Variants in ANKRD18B observed in about 807,000 individuals in gnomAD.
ANKRD18B encodes ankyrin repeat domain-containing protein 18B.
In ANKRD18B, 75 loss-of-function variants were observed where a neutral mutation model predicts 111.8. That is an observed-to-expected ratio of 0.67 (90% CI 0.56 to 0.81). The LOEUF (loss-of-function observed/expected upper bound fraction) is 0.81. ANKRD18B is among the 40% of genes least tolerant of loss of function. The pLI is 0.00. For synonymous variants in ANKRD18B, 356 were observed against 417.3 expected (o/e 0.85, Z 1.79); for missense variants, 1,038 against 1,225.5 (o/e 0.85, Z 2.28).
intron 3 of ANKRD18B, among the ~76,000 whole-genome samples, chr9:33,532,576 A>G (rs1227285478): frequency 6.6e-6 from 1 of 152,226 alleles, no homozygotes; most frequent in Non-Finnish European, 1.5e-5. Flanking sequence ...ATAAAAATCT[A>G]TCCTCTTGCA....
At chr9:33,565,386 A>G (rs1171869840) in intron 14 of ANKRD18B, among the ~76,000 whole-genome samples, 1 of 152,248 alleles carries the variant, frequency 6.6e-6, no homozygotes, top group Non-Finnish European at 1.5e-5. Flanking sequence ...ATTACTTCTT[A>G]AAATGCAATT....
At chr9:33,543,117 A>G (rs938862246) in intron 9 of ANKRD18B, 68 bp from the exon 10 acceptor site, 1 of 1,344,358 alleles carries the variant, frequency 7.4e-7, no homozygotes, top group Non-Finnish European at 1.0e-6. Flanking sequence ...GTTGTTTTGT[A>G]TCAATTTTTA....
At chr9:33,556,130 ACAGGGGTTGGGAGT>A (rs1828522761) in intron 13 of ANKRD18B, among the ~76,000 whole-genome samples, 1 of 152,190 alleles carries the variant, frequency 6.6e-6, no homozygotes, top group African/African-American at 2.4e-5. Context: ...AAGGGGAGAA[ACAGGGGTTGGGAGT>A]CAGCTGAGCT....
At chr9:33,550,901 G>A (rs1485851268) in intron 12 of ANKRD18B, among the ~76,000 whole-genome samples, 1 of 152,090 alleles carries the variant, frequency 6.6e-6, no homozygotes, top group African/African-American at 2.4e-5. Context: ...CCTTGGTGAG[G>A]CAAGCCAGAT....
At position 33,529,253 on chromosome 9, in the gene ANKRD18B, C is replaced by G. The variant is rs1041837923; in HGVS notation, c.495+80C>G. ...AAGAGTCAATTTTTCATATTTGGAA[C>G]TCAAGTATTCCTGAATGAAAATGTT... On this transcript the variant is annotated intron_variant, in intron 3 of 18. Transcript: ENST00000684830. The G allele has an allele frequency of 2.1e-6, 3 of 1,459,144 alleles. No homozygotes were observed. In the African/African-American group the frequency reaches 4.3e-5, roughly 21 times the overall value. 90.4% of individuals were successfully genotyped at this position (1,459,144 alleles called of 1,614,324 possible).
chr9:33,543,312 ACATAG>A, intron 10 of ANKRD18B, 57 bp downstream of exon 10: 2 of 1,414,602 alleles, frequency 1.4e-6, no homozygotes, highest in Non-Finnish European at 1.9e-6. Flanking sequence ...TTCTTTAATA[ACATAG>A]CATAGTCCAA....
intron 12 of ANKRD18B, among the ~76,000 whole-genome samples, chr9:33,552,730 C>A (rs1053604525): frequency 6.6e-6 from 1 of 151,530 alleles, no homozygotes; most frequent in African/African-American, 2.4e-5. Flanking sequence ...CTAACACATA[C>A]AATGGTCAAG....
chr9:33,534,732 A>T (rs1828170726), intron 5 of ANKRD18B, among the ~76,000 whole-genome samples: 1 of 152,038 alleles, frequency 6.6e-6, no homozygotes, highest in African/African-American at 2.4e-5. Flanking sequence ...CTTTATCCCT[A>T]GGAATGTCAG....
At chr9:33,558,016 CT>C (rs1828551875) in intron 13 of ANKRD18B, 41 bp from the exon 14 acceptor site, 1 of 1,456,166 alleles carries the variant, frequency 6.9e-7, no homozygotes, top group Admixed American at 2.3e-5. Flanking sequence ...TAAATATTTA[CT>C]CTTAAAAATT....
chr9:33,524,599 A>G lies in ANKRD18B; in HGVS notation c.110A>G (p.Lys37Arg). The change falls in exon 1 of 19, where the codon AAG becomes AGG. Residue 37 changes from lysine to arginine, a missense_variant. Around this residue, in one of 4 missense-constraint regions of ANKRD18B, gnomAD observed 216 missense variants for 205.1 expected, o/e 1.05. Transcript: ENST00000684830. Reference sequence around the variant, plus strand: ...CACATTCGGGACTGGGAACTGCGGAAGATCCACAGGGCGGCCATCAAGGGC... The same window carrying G: ...CACATTCGGGACTGGGAACTGCGGAGGATCCACAGGGCGGCCATCAAGGGC... The part of the protein sequence containing the change: ...GYHIRDWELR[K>R]IHRAAIKGDA... 6.4e-7 allele frequency: 1 copy of G among 1,551,578 alleles called. No homozygotes were observed. The highest frequency in any genetic ancestry group is 1.4e-5 in the African/African-American group (1 of 73,178).
intron 1 of ANKRD18B, among the ~76,000 whole-genome samples, chr9:33,525,556 A>G (rs1469434426): frequency 6.6e-6 from 1 of 152,114 alleles, no homozygotes; most frequent in African/African-American, 2.4e-5. Context: ...ATGCAAAATT[A>G]GAAAAATACC....
At chr9:33,564,166 C>T (rs1828651618) in intron 14 of ANKRD18B, among the ~76,000 whole-genome samples, 1 of 152,206 alleles carries the variant, frequency 6.6e-6, no homozygotes, top group South Asian at 2.1e-4. Context: ...TTCTATGTTG[C>T]TCAGGCTGCT....
At chr9:33,548,918 T>C (rs1191583987) in intron 11 of ANKRD18B, 63 bp downstream of exon 11, 1 of 1,349,658 alleles carries the variant, frequency 7.4e-7, no homozygotes, top group African/African-American at 1.5e-5. Flanking sequence ...TGTGGCTATA[T>C]GTTGAACGTA....
Position 33,550,726 on chromosome 9 carries a change from C to T in ANKRD18B, c.2217+147C>T, listed in dbSNP as rs1322830141. 2.4e-5 allele frequency: 21 copies of T among 863,016 alleles called. No individual in the cohort carries two copies. The Admixed American group carries it at 5.7e-4, about 24-fold the overall frequency. The allele number at this position is 863,016 out of a possible 1,614,324, so 53.5% of individuals were successfully genotyped here. Reference sequence around the variant, plus strand: ...CATTACCATTTTATTATCTTTATAACGTACTTCTTCAACTCTGGCTCTTGT... The same window carrying T: ...CATTACCATTTTATTATCTTTATAATGTACTTCTTCAACTCTGGCTCTTGT... On this transcript the variant is annotated intron_variant, in intron 12 of 18. Transcript: ENST00000684830.
chr9:33,547,432 T>C lies in ANKRD18B; in HGVS notation c.1150-506T>C, dbSNP rs377113641. Among the ~76,000 whole-genome samples the C allele has an allele frequency of 3.9e-5, 6 of 152,250 alleles. No homozygotes were observed. In the East Asian group the frequency reaches 9.6e-4, roughly 24 times the overall value. On this transcript the variant is annotated intron_variant, in intron 10 of 18. Coordinates refer to ENST00000684830, the MANE Select transcript of ANKRD18B (RefSeq NM_001393611.1). The stretch of plus-strand genomic sequence containing the variant: ...TTACAACTGACTAAAAAATGTTGAG[T>C]CAAATCACAATAGAATATGATCAGG...
chr9:33,548,676 C>A lies in ANKRD18B; in HGVS notation c.1888C>A (p.Gln630Lys), dbSNP rs2118060827. Reference sequence around the variant, plus strand: ...ACTTGAAAATCTCTTGCTTGAACGACAACTAGAGGATGCTCGTAAGGAAGG... The same window carrying A: ...ACTTGAAAATCTCTTGCTTGAACGAAAACTAGAGGATGCTCGTAAGGAAGG... ...RELENLLLER[Q>K]LEDARKEGDN... Residue 630 changes from glutamine (Q) to lysine (K), a missense_variant, in exon 11 of 19, where the codon CAA becomes AAA. Physicochemically the swap from Gln to Lys is moderately conservative, Grantham distance 53. Around this residue, in one of 4 missense-constraint regions of ANKRD18B, gnomAD observed 524 missense variants for 677.9 expected, o/e 0.77. Transcript: ENST00000684830. 1.9e-6 allele frequency: 3 copies of A among 1,551,060 alleles called. No individual in the cohort carries two copies. The South Asian group carries it at 3.6e-5, about 18-fold the overall frequency.
intron 14 of ANKRD18B, among the ~76,000 whole-genome samples, chr9:33,562,806 C>T (rs1471595596): frequency 1.3e-5 from 2 of 152,066 alleles, no homozygotes; most frequent in East Asian, 3.8e-4. Context: ...TAATTTTCTC[C>T]TTATTTCCTC....
intron 1 of ANKRD18B, among the ~76,000 whole-genome samples, chr9:33,527,724 TAA>T (rs1367586992): frequency 6.6e-6 from 1 of 152,214 alleles, no homozygotes; most frequent in Non-Finnish European, 1.5e-5. Flanking sequence ...AAAATGTATT[TAA>T]GTGTCAGTTA....
intron 14 of ANKRD18B, among the ~76,000 whole-genome samples, chr9:33,561,693 A>G (rs1292881388): frequency 6.6e-6 from 1 of 152,240 alleles, no homozygotes; most frequent in Non-Finnish European, 1.5e-5. Context: ...ATATGGTATT[A>G]GGTGAGAGTC....
Sources: allele counts gnomAD v4.1 joint callset (sites outside exome capture counted in the v4.1 genomes callset), GRCh38; gene constraint gnomAD v4.1.1; regional missense constraint gnomAD v4.1.1; transcripts MANE v1.5; gene names NCBI Gene and HGNC (gene_info 2026-07-23, HGNC 2026-07-21).